The following HLCS variants were observed in gnomAD, a reference collection of about 807,000 sequenced individuals.
HLCS encodes biotin--protein ligase.
HLCS carries 53 observed loss-of-function variants against 75.0 expected under a neutral mutation model. The observed-to-expected ratio is 0.71, with a 90% CI of 0.57 to 0.89. The LOEUF (loss-of-function observed/expected upper bound fraction) is 0.89. HLCS is among the 40% of genes least tolerant of loss of function. HLCS has a pLI of 0.00. For synonymous variants in HLCS, 431 were observed against 428.6 expected, an observed-to-expected ratio of 1.01 and a Z score of -0.07; for missense variants, 966 against 1,074.0, an observed-to-expected ratio of 0.90 and a Z score of 1.41.
At chr21:36,767,415 C>T in intron 6 of HLCS, 130 bp from the exon 7 acceptor site, 1 of 818,026 alleles carries the variant, frequency 1.2e-6, no homozygotes, top group Non-Finnish European at 2.1e-6. Flanking sequence ...ACTTTGGTTC[C>T]ACTGGCCTTC....
In HLCS at chr21:36,934,555, A is replaced by G. The variant is rs141538277; in HGVS notation, c.1437+1894T>C. On this transcript the variant is annotated intron_variant, in intron 4 of 10. Transcript: ENST00000674895. ...ATGTCAGCATTAATCCACAGCCTTA[A>G]GTTTTCCCTGCAAACTTGATCAGTA... Among the ~76,000 whole-genome samples, 15 of 152,326 alleles carry G rather than the reference A, an allele frequency of 9.8e-5. No individual in the cohort carries two copies. The East Asian group carries it at 2.9e-3, about 29-fold the overall frequency.
At chr21:36,876,010 C>T (rs180895723) in intron 6 of HLCS, among the ~76,000 whole-genome samples, 1 of 152,298 alleles carries the variant, frequency 6.6e-6, no homozygotes, top group East Asian at 1.9e-4. Flanking sequence ...TACATCTGAT[C>T]TAGCCTCAGC....
upstream of HLCS, among the ~76,000 whole-genome samples, chr21:36,970,230 TA>T (rs1004173839): frequency 1.3e-5 from 2 of 152,158 alleles, no homozygotes; most frequent in African/African-American, 4.8e-5. Context: ...CTGAGAAGGA[TA>T]GCTTGTTTTG....
intron 6 of HLCS, among the ~76,000 whole-genome samples, chr21:36,830,028 T>C: frequency 6.6e-6 from 1 of 152,302 alleles, no homozygotes; most frequent in Non-Finnish European, 1.5e-5. Flanking sequence ...GGCGATTAAG[T>C]TAACATGAGG....
intron 7 of HLCS, 22 bp from the exon 8 acceptor site, chr21:36,765,194 G>T: frequency 6.2e-7 from 1 of 1,613,916 alleles, no homozygotes; most frequent in Non-Finnish European, 8.5e-7. Flanking sequence ...GCCACAGTGG[G>T]AAACATGCTA....
At chr21:36,959,013 C>G (rs1254870290) in intron 2 of HLCS, among the ~76,000 whole-genome samples, 1 of 152,182 alleles carries the variant, frequency 6.6e-6, no homozygotes, top group African/African-American at 2.4e-5. Context: ...CCAGGGGGAG[C>G]TGGGAGCAGG....
intron 10 of HLCS, among the ~76,000 whole-genome samples, chr21:36,754,625 G>A (rs867472211): frequency 2.0e-5 from 3 of 152,312 alleles, no homozygotes; most frequent in African/African-American, 7.2e-5. Flanking sequence ...CCAGCAGGAT[G>A]CAAGTTCAAC....
intron 6 of HLCS, among the ~76,000 whole-genome samples, chr21:36,818,375 C>G (rs1379810331): frequency 6.6e-6 from 1 of 152,182 alleles, no homozygotes; most frequent in South Asian, 2.1e-4. Flanking sequence ...CACCAAAAGG[C>G]ACACTATTAG....
At chr21:36,791,361 C>G (rs2060858812) in intron 6 of HLCS, among the ~76,000 whole-genome samples, 1 of 152,230 alleles carries the variant, frequency 6.6e-6, no homozygotes. Flanking sequence ...TTGCGAGAAG[C>G]TGCTCACCAA....
At chr21:36,902,561 G>A (rs1381798659) in intron 5 of HLCS, among the ~76,000 whole-genome samples, 3 of 152,244 alleles carry the variant, frequency 2.0e-5, no homozygotes, top group African/African-American at 7.2e-5. Flanking sequence ...GCTGCAGGGA[G>A]GTGGGAATCC....
At chr21:36,864,163 G>T (rs925241070) in intron 6 of HLCS, among the ~76,000 whole-genome samples, 13 of 152,184 alleles carry the variant, frequency 8.5e-5, no homozygotes, top group African/African-American at 3.1e-4. Flanking sequence ...ACTTTGGGAG[G>T]CTGAGGCGGG....
chr21:36,878,092 T>C lies in HLCS; in HGVS notation c.1892+18768A>G, dbSNP rs766438282. Reference sequence around the variant, plus strand: ...CATCATATTCATCTGGCTTGGAGTTTGCTGAACTTCTTGAGCCTGGAAATT... The same window carrying C: ...CATCATATTCATCTGGCTTGGAGTTCGCTGAACTTCTTGAGCCTGGAAATT... On this transcript the variant is annotated intron_variant, in intron 6 of 10. Transcript: ENST00000674895. Among the ~76,000 whole-genome samples, 8 of 152,282 alleles carry C rather than the reference T, an allele frequency of 5.3e-5. No individual in the cohort carries two copies. The Middle Eastern group carries it at 0.01, about 194-fold the overall frequency.
chr21:36,885,279 G>C (rs1192703213), intron 6 of HLCS, among the ~76,000 whole-genome samples: 1 of 152,118 alleles, frequency 6.6e-6, no homozygotes, highest in Non-Finnish European at 1.5e-5. Flanking sequence ...GGCCAAGGTG[G>C]GAGGATCGCT....
intron 6 of HLCS, among the ~76,000 whole-genome samples, chr21:36,846,836 C>T (rs978625857): frequency 3.9e-5 from 6 of 152,148 alleles, no homozygotes; most frequent in Non-Finnish European, 8.8e-5. Flanking sequence ...CCATGTGGTT[C>T]TTCAGCAACA....
At chr21:36,820,422 C>G (rs1183119930) in intron 6 of HLCS, among the ~76,000 whole-genome samples, 4 of 152,236 alleles carry the variant, frequency 2.6e-5, no homozygotes, top group South Asian at 4.1e-4. Flanking sequence ...AGGAAGCCCC[C>G]CTCCCCCACA....
At chr21:36,942,741 CA>C (rs2146557702) in intron 2 of HLCS, among the ~76,000 whole-genome samples, 1 of 152,096 alleles carries the variant, frequency 6.6e-6, no homozygotes, top group East Asian at 1.9e-4. Flanking sequence ...TCCTACAACT[CA>C]ACAATAAAAA....
At chr21:36,781,543 G>A (rs2060533961) in intron 6 of HLCS, among the ~76,000 whole-genome samples, 1 of 151,852 alleles carries the variant, frequency 6.6e-6, no homozygotes. Context: ...ATTGCTTGTT[G>A]TATATAAAAA....
At chr21:36,893,133 C>T (rs923845077) in intron 6 of HLCS, among the ~76,000 whole-genome samples, 8 of 151,936 alleles carry the variant, frequency 5.3e-5, no homozygotes, top group East Asian at 3.9e-4. Flanking sequence ...TGCAATGGCG[C>T]GATCTTGGCT....
intron 6 of HLCS, among the ~76,000 whole-genome samples, chr21:36,878,456 A>G (rs2064071579): frequency 6.6e-6 from 1 of 152,212 alleles, no homozygotes. Flanking sequence ...AGTGAAATTC[A>G]AGTAAATAAA....
Sources: allele counts gnomAD v4.1 joint callset (sites outside exome capture counted in the v4.1 genomes callset), GRCh38; gene constraint gnomAD v4.1.1; transcripts MANE v1.5; gene names NCBI Gene and HGNC (gene_info 2026-07-23, HGNC 2026-07-21).